The following MUC5B variants were observed in gnomAD, a reference collection of about 807,000 sequenced individuals.
The protein encoded by MUC5B is mucin 5B, oligomeric mucus/gel-forming.
MUC5B carries 116 observed loss-of-function variants against 376.9 expected under a neutral mutation model. The ratio of observed to expected loss-of-function variants is 0.31; its 90% CI spans 0.26 to 0.36. MUC5B has a LOEUF of 0.36. Ranked by LOEUF, MUC5B falls within the 10% of genes least tolerant of loss-of-function variation. MUC5B has a pLI of 1.00. For missense variants in MUC5B, 7,165 were observed against 7,769.9 expected (o/e 0.92, Z 2.93); for synonymous variants, 3,517 against 3,390.9 (o/e 1.04, Z -1.29).
rs181394075 is a variant in MUC5B, at chr11:1,226,154, C to G, written c.128-51C>G. On this transcript the variant is annotated intron_variant, in intron 2 of 48. Transcript: ENST00000529681. The stretch of plus-strand genomic sequence containing the variant: ...AGGGTGGGCCCCGGGGAGGGTGTCT[C>G]TGCTTCCCCTTCCTGGCCACGTTCC... 7.5e-5 allele frequency: 113 copies of G among 1,513,828 alleles called. No homozygotes were observed. The African/African-American group carries it at 1.4e-3, about 18-fold the overall frequency. 93.8% of individuals were successfully genotyped at this position (1,513,828 alleles called of 1,614,324 possible).
In MUC5B at chr11:1,236,908, T is replaced by C; in HGVS notation, c.3058-17T>C. The C allele has an allele frequency of 7.1e-7, 1 of 1,415,204 alleles. No individual in the cohort carries two copies. The highest frequency in any genetic ancestry group is 9.3e-7 in the Non-Finnish European group (1 of 1,079,438). 87.7% of individuals were successfully genotyped at this position (1,415,204 alleles called of 1,614,324 possible). A position where few individuals can be genotyped will look rare whatever the true frequency, so the allele number is the denominator to read the frequency against. ...TGGCCCCAGCTCCAGGGCCCCACTC[T>C]CTCGCTGCCTCTGCAGGGCAGGGTC... is the stretch of plus-strand genomic sequence containing the variant. On this transcript the variant is annotated splice_polypyrimidine_tract_variant and intron_variant, in intron 24 of 48. Coordinates refer to ENST00000529681, the MANE Select transcript of MUC5B (RefSeq NM_002458.3).
chr11:1,234,640 T>C lies in MUC5B; in HGVS notation c.2590T>C (p.Tyr864His). Reference sequence around the variant, plus strand: ...CCCCTGTGTGCACAACGAGGCCACCTACAAGCCTGGAGAGACCATCAGGGT... The same window carrying C: ...CCCCTGTGTGCACAACGAGGCCACCCACAAGCCTGGAGAGACCATCAGGGT... ...DCPCVHNEAT[Y>H]KPGETIRVDC... Residue 864 changes from tyrosine to histidine, a missense_variant, in exon 21 of 49, where the codon TAC (tyrosine) becomes CAC (histidine). Physicochemically the swap from Tyr to His is moderately conservative, Grantham distance 83. Transcript: ENST00000529681. The surrounding 1 kb of genome is among the most constrained non-coding windows in gnomAD (Gnocchi z 6.3). 6.5e-7 allele frequency: 1 copy of C among 1,547,198 alleles called. No individual in the cohort carries two copies.
Position 1,226,210 on chromosome 11 carries a change from C to T in MUC5B, c.133C>T (p.Pro45Ser), listed in dbSNP as rs1357425974. ...TGACCAGCCTTCACCCACAGGTGCC[C>T]CGACGTCCTCGCCCACCCGGCGCGT... ...NAGHTMDGGAPTSSPTRRVSF... is the reference protein window; with the variant it reads ...NAGHTMDGGASTSSPTRRVSF... The change falls in exon 3 of 49, where the codon CCG becomes TCG. Residue 45 changes from proline (P) to serine (S), a missense_variant. Coordinates refer to ENST00000529681, the MANE Select transcript of MUC5B (RefSeq NM_002458.3). The T allele has an allele frequency of 6.4e-7, 1 of 1,551,416 alleles. No homozygotes were observed. The highest frequency in any genetic ancestry group is 8.7e-7 in the Non-Finnish European group (1 of 1,149,088).
In MUC5B at chr11:1,247,515, C is replaced by T. The variant is rs1862526867; in HGVS notation, c.10635C>T (p.Pro3545=). The change falls in exon 31 of 49, where the codon CCC becomes CCT. Residue 3545 remains proline (P), a synonymous_variant. Coordinates refer to ENST00000529681, the MANE Select transcript of MUC5B (RefSeq NM_002458.3). ...CCAGGACCACAGCCACAGCCACACC[C>T]AGCAAGACCCGCACCTCGACCCTGC... The part of the protein sequence containing the change: ...GTSRTTATAT[P]SKTRTSTLLP... The T allele has an allele frequency of 2.5e-6, 4 of 1,609,268 alleles. No homozygotes were observed. The highest frequency in any genetic ancestry group is 4.5e-5 in the East Asian group (2 of 44,880).
chr11:1,242,308 A>T lies in MUC5B; in HGVS notation c.5428A>T (p.Thr1810Ser). 2.5e-6 allele frequency: 4 copies of T among 1,613,844 alleles called. No individual in the cohort carries two copies. Among genetic ancestry groups the T allele is most frequent in the Non-Finnish European group, 3.4e-6 (4 of 1,179,864 alleles). ...AGGGGTTGCAGGCGGGGACATGGAAACTTTTGAAAACATCAGGGCTGCTGG... is the reference window on the plus strand; with the variant it reads ...AGGGGTTGCAGGCGGGGACATGGAATCTTTTGAAAACATCAGGGCTGCTGG... ...TSGVAGGDME[T>S]FENIRAAGGK... The change falls in exon 31 of 49, where the codon ACT becomes TCT. Residue 1810 changes from threonine (T) to serine (S), a missense_variant. Thr to Ser is a moderately conservative substitution (Grantham distance 58). Coordinates refer to ENST00000529681, the MANE Select transcript of MUC5B (RefSeq NM_002458.3).
In MUC5B at chr11:1,258,210, G is replaced by A. The variant is rs368528315; in HGVS notation, c.16555+7G>A. 54 of 1,582,638 alleles carry A rather than the reference G, an allele frequency of 3.4e-5. No homozygotes were observed. The African/African-American group carries it at 5.2e-4, about 15-fold the overall frequency. ...TGTCCCACCTTCCGCTGCAGTGAGCGGGGCTGGGGCCGGGCTCCTGGGTGG... is the reference window on the plus strand; with the variant it reads ...TGTCCCACCTTCCGCTGCAGTGAGCAGGGCTGGGGCCGGGCTCCTGGGTGG... On this transcript the variant is annotated splice_region_variant and intron_variant, in intron 42 of 48. Coordinates refer to ENST00000529681, the MANE Select transcript of MUC5B (RefSeq NM_002458.3). This position sits in a 1 kb window ranked among gnomAD's most constrained non-coding sequence, Gnocchi z 5.5.
At chr11:1,223,332 T>A in intron 1 of MUC5B, 139 bp downstream of exon 1, 1 of 688,794 alleles carries the variant, frequency 1.5e-6, no homozygotes, top group African/African-American at 1.8e-5. Context: ...GATGGGACCC[T>A]ACCCGTCCCC....
chr11:1,237,427 A>G (rs55633075), intron 25 of MUC5B, among the ~76,000 whole-genome samples: 9 of 152,256 alleles, frequency 5.9e-5, no homozygotes, highest in Admixed American at 5.9e-4. Context: ...AGAGGCTCAC[A>G]GGGAGGGGCA....
At chr11:1,240,496 C>A in intron 30 of MUC5B, 121 bp downstream of exon 30, 1 of 973,910 alleles carries the variant, frequency 1.0e-6, no homozygotes, top group Middle Eastern at 2.3e-4. Flanking sequence ...ACCTTCCGGG[C>A]TCTGTCTAGG....
chr11:1,242,861 G>C lies in MUC5B; in HGVS notation c.5981G>C (p.Arg1994Pro), dbSNP rs200080050. 4 of 1,612,238 alleles carry C rather than the reference G, an allele frequency of 2.5e-6. No individual in the cohort carries two copies. Among genetic ancestry groups the C allele is most frequent in the Non-Finnish European group, 3.4e-6 (4 of 1,179,440 alleles). The stretch of plus-strand genomic sequence containing the variant: ...TCCTCCCTGGGCACCACCTGGACCC[G>C]CCTATCACAGACCACCACACCCACG... ...PSSSLGTTWT[R>P]LSQTTTPTAT... Residue 1994 changes from arginine to proline, a missense_variant, in exon 31 of 49, where the codon CGC (arginine) becomes CCC (proline). Around this residue, in one of 31 missense-constraint regions of MUC5B, gnomAD observed 897 missense variants for 779.6 expected, o/e 1.15. Coordinates refer to ENST00000529681, the MANE Select transcript of MUC5B (RefSeq NM_002458.3).
Position 1,251,416 on chromosome 11 carries a change from T to G in MUC5B, c.14536T>G (p.Trp4846Gly), listed in dbSNP as rs989416713. Residue 4846 changes from tryptophan to glycine, a missense_variant, in exon 31 of 49, where the codon TGG becomes GGG. Around this residue, in one of 31 missense-constraint regions of MUC5B, gnomAD observed 730 missense variants for 592.7 expected, o/e 1.23. Transcript: ENST00000529681. ...ATLSSTPGTTWILTEPSTIAT... is the reference protein window; with the variant it reads ...ATLSSTPGTTGILTEPSTIAT... ...CCTGTCCTCCACCCCAGGGACCACC[T>G]GGATCCTCACAGAGCCGAGCACTAT... 1 of 1,611,354 alleles carries G rather than the reference T, an allele frequency of 6.2e-7. No homozygotes were observed. The highest frequency in any genetic ancestry group is 8.5e-7 in the Non-Finnish European group (1 of 1,178,888).
rs192961952 is a variant in MUC5B at position 1,242,957 on chromosome 11, C to G, written c.6077C>G (p.Thr2026Arg). The change falls in exon 31 of 49, where the codon ACG becomes AGG. Residue 2026 changes from threonine to arginine, a missense_variant. Thr to Arg is a moderately conservative substitution (Grantham distance 71). Transcript: ENST00000529681. ...CACACCTCCACAGTGCTTACCGCCA[C>G]GGCCACCACAACTGGGGCCACCGGC... ...TAHTSTVLTA[T>R]ATTTGATGSV... is the part of the protein sequence containing the mutation. 2 of 1,613,366 alleles carry G rather than the reference C, an allele frequency of 1.2e-6. No individual in the cohort carries two copies. The highest frequency in any genetic ancestry group is 1.1e-5 in the South Asian group (1 of 91,020).
rs774378144 is a variant in MUC5B at position 1,257,675 on chromosome 11, G to A, written c.16415G>A (p.Arg5472Gln). Residue 5472 changes from arginine (R) to glutamine (Q), a missense_variant, in exon 41 of 49, where the codon CGG becomes CAG. By Grantham distance (43) the Arg-to-Gln change is conservative. This residue lies in a region of MUC5B where 842 missense variants were observed against 1,016.9 expected (regional missense o/e 0.83). Coordinates refer to ENST00000529681, the MANE Select transcript of MUC5B (RefSeq NM_002458.3). The surrounding 1 kb of genome is among the most constrained non-coding windows in gnomAD (Gnocchi z 8.9). ...GGCTTCGTAACCGTGACCAGGCCCCGGGCCGAGAACCCCTGCTGCCCCGAG... is the reference window on the plus strand; with the variant it reads ...GGCTTCGTAACCGTGACCAGGCCCCAGGCCGAGAACCCCTGCTGCCCCGAG... ...RPGFVTVTRP[R>Q]AENPCCPETV... 2.5e-5 allele frequency: 40 copies of A among 1,575,366 alleles called. No individual in the cohort carries two copies. Among genetic ancestry groups the A allele is most frequent in the Admixed American group, 5.4e-5 (3 of 55,810 alleles).
chr11:1,228,940 C>T (rs946384498), intron 8 of MUC5B, among the ~76,000 whole-genome samples, 175 bp downstream of exon 8: 2 of 138,638 alleles, frequency 1.4e-5, no homozygotes. Context: ...GTGGGGCCTC[C>T]GGGGGCTGCA....
chr11:1,229,907 T>C, intron 10 of MUC5B, 98 bp from the exon 11 acceptor site: 1 of 1,541,926 alleles, frequency 6.5e-7, no homozygotes, highest in South Asian at 1.2e-5. Flanking sequence ...GTGGAGCTCC[T>C]GGTGTGCACC....
rs1862880517 is a variant in MUC5B, at chr11:1,257,750, G to A, written c.16450+40G>A. 6 of 1,511,214 alleles carry A rather than the reference G, an allele frequency of 4.0e-6. No homozygotes were observed. The highest frequency in any genetic ancestry group is 5.3e-6 in the Non-Finnish European group (6 of 1,131,532). 93.6% of individuals were successfully genotyped at this position (1,511,214 alleles called of 1,614,324 possible). A position where few individuals can be genotyped will look rare whatever the true frequency, so the allele number is the denominator to read the frequency against. On this transcript the variant is annotated intron_variant, in intron 41 of 48. Transcript: ENST00000529681. The surrounding 1 kb of genome is among the most constrained non-coding windows in gnomAD (Gnocchi z 8.9). ...AGCAGAGGTGCCCGGCATAGGGTGA[G>A]GGGGGACAGAGCCGGTGCCCACCAG...
At chr11:1,223,512 G>C in intron 1 of MUC5B, 1 of 447,192 alleles carries the variant, frequency 2.2e-6, no homozygotes, top group African/African-American at 2.0e-5. Flanking sequence ...ATGGGGGAGG[G>C]GGTCACAGCT....
At position 1,246,561 on chromosome 11, in the gene MUC5B, C is replaced by T; in HGVS notation, c.9681C>T (p.Ser3227=). 1 of 1,613,486 alleles carries T rather than the reference C, an allele frequency of 6.2e-7. No homozygotes were observed. The highest frequency in any genetic ancestry group is 1.7e-5 in the Admixed American group (1 of 59,986). ...GTATALPALR[S]TATTPTATSV... is the part of the protein sequence containing the mutation. Reference sequence around the variant, plus strand: ...CAACCGCCCTTCCAGCACTGAGAAGCACAGCCACCACACCCACAGCTACCA... The same window carrying T: ...CAACCGCCCTTCCAGCACTGAGAAGTACAGCCACCACACCCACAGCTACCA... The change falls in exon 31 of 49, where the codon AGC becomes AGT. Residue 3227 remains serine (S), a synonymous_variant. Transcript: ENST00000529681.
Position 1,254,256 on chromosome 11 carries a change from G to A in MUC5B, c.15382G>A (p.Ala5128Thr), listed in dbSNP as rs368976525. The A allele has an allele frequency of 1.3e-4, 216 of 1,612,022 alleles. No homozygotes were observed. The highest frequency in any genetic ancestry group is 4.0e-4 in the Admixed American group (24 of 60,006). Residue 5128 changes from alanine to threonine, a missense_variant, in exon 34 of 49, where the codon GCT (alanine) becomes ACT (threonine). By Grantham distance (58) the Ala-to-Thr change is moderately conservative. Coordinates refer to ENST00000529681, the MANE Select transcript of MUC5B (RefSeq NM_002458.3). ...CTACTGCACGGCCTCTGCCACTGCC[G>A]CTGCCGCCCGCTGCCCCCGCGCCCT... ...NHYCTASATA[A>T]AARCPRALSI...
Sources: allele counts gnomAD v4.1 joint callset (sites outside exome capture counted in the v4.1 genomes callset), GRCh38; gene constraint gnomAD v4.1.1; regional missense constraint gnomAD v4.1.1; non-coding constraint Gnocchi (gnomAD v3.1); transcripts MANE v1.5; gene names NCBI Gene and HGNC (gene_info 2026-07-23, HGNC 2026-07-21).